DOCK5: variants seen among roughly 807,000 people sequenced by gnomAD.
DOCK5 encodes dedicator of cytokinesis protein 5.
DOCK5 carries 142 observed loss-of-function variants against 251.8 expected under a neutral mutation model. That is an observed-to-expected ratio of 0.56 (90% CI 0.49 to 0.65). The LOEUF is 0.65. Among genes scored for constraint, DOCK5 ranks in the 30% least tolerant of loss-of-function variants. DOCK5 has a pLI of 0.00. For missense variants in DOCK5, 2,111 were observed against 2,312.3 expected (o/e 0.91, Z 1.79); for synonymous variants, 842 against 835.5 (o/e 1.01, Z -0.13).
chr8:25,332,165 C>G lies in DOCK5; in HGVS notation c.1904-86C>G. ...AATTAGCCACTATTGAGAGCAATTA[C>G]CTGTTCTAGAGAATTCTTTAGCTAT... is the stretch of plus-strand genomic sequence containing the variant. On this transcript the variant is annotated intron_variant, in intron 18 of 51. Transcript: ENST00000276440. 6.4e-6 allele frequency: 6 copies of G among 934,344 alleles called. No individual in the cohort carries two copies. The East Asian group carries it at 1.0e-4, about 16-fold the overall frequency. 57.9% of individuals were successfully genotyped at this position (934,344 alleles called of 1,614,324 possible).
chr8:25,397,664 T>C (rs1436793060), intron 45 of DOCK5, among the ~76,000 whole-genome samples: 1 of 152,236 alleles, frequency 6.6e-6, no homozygotes, highest in Non-Finnish European at 1.5e-5. Context: ...TTCATATATA[T>C]TGTTTGATAC....
At chr8:25,342,957 G>A (rs564078886) in intron 25 of DOCK5, among the ~76,000 whole-genome samples, 5 of 151,668 alleles carry the variant, frequency 3.3e-5, no homozygotes, top group South Asian at 2.1e-4. Context: ...CACCCGCCTC[G>A]GCCTCCCAAA....
At chr8:25,358,075 G>A (rs1800610008) in intron 27 of DOCK5, among the ~76,000 whole-genome samples, 1 of 152,144 alleles carries the variant, frequency 6.6e-6, no homozygotes, top group Non-Finnish European at 1.5e-5. Context: ...AAGGGCTCTG[G>A]AGTTGGAGAA....
intron 11 of DOCK5, among the ~76,000 whole-genome samples, chr8:25,308,282 A>G (rs1030218597): frequency 2.0e-5 from 3 of 152,142 alleles, no homozygotes; most frequent in African/African-American, 7.2e-5. Context: ...TCTACCAGAC[A>G]CCAGGCATAT....
intron 1 of DOCK5, among the ~76,000 whole-genome samples, chr8:25,230,041 A>G (rs1802630027): frequency 2.0e-5 from 3 of 152,210 alleles, no homozygotes; most frequent in South Asian, 2.1e-4. Context: ...TTCAATAAGA[A>G]TCAGCAAGTA....
At chr8:25,378,737 C>T (rs767501844) in intron 38 of DOCK5, among the ~76,000 whole-genome samples, 3 of 152,342 alleles carry the variant, frequency 2.0e-5, no homozygotes, top group Non-Finnish European at 4.4e-5. Context: ...AACTCATCCA[C>T]TAAGTAGGGA....
intron 51 of DOCK5, 52 bp from the exon 52 acceptor site, chr8:25,411,142 A>G: frequency 3.4e-6 from 5 of 1,460,364 alleles, no homozygotes; most frequent in Non-Finnish European, 4.5e-6. Context: ...AGAAGGCAGA[A>G]TTGGGAAGAA....
chr8:25,390,124 G>A (rs1801231576), intron 41 of DOCK5, 82 bp from the exon 42 acceptor site: 1 of 1,243,420 alleles, frequency 8.0e-7, no homozygotes. Context: ...ATTTCCGGCT[G>A]TGAAGCAGGA....
chr8:25,377,277 AC>A (rs1794436492), intron 37 of DOCK5, 27 bp from the exon 38 acceptor site: 2 of 1,596,030 alleles, frequency 1.3e-6, no homozygotes, highest in African/African-American at 1.4e-5. Context: ...TGTTGTATTA[AC>A]CGTGTGTCGC....
chr8:25,335,706 A>G (rs906697930), intron 21 of DOCK5, among the ~76,000 whole-genome samples: 2 of 152,162 alleles, frequency 1.3e-5, no homozygotes, highest in Non-Finnish European at 1.5e-5. Flanking sequence ...AGAGCAACCT[A>G]TAACCCCAGA....
chr8:25,263,021 G>A (rs987693278), intron 2 of DOCK5, among the ~76,000 whole-genome samples: 3 of 151,774 alleles, frequency 2.0e-5, no homozygotes, highest in African/African-American at 7.3e-5. Flanking sequence ...GATTTACCTT[G>A]ATTACATTTC....
At chr8:25,262,144 G>A (rs1177113962) in intron 2 of DOCK5, among the ~76,000 whole-genome samples, 8 of 152,028 alleles carry the variant, frequency 5.3e-5, no homozygotes, top group African/African-American at 1.5e-4. Context: ...ATAAGTGTAC[G>A]TTTAACTTTA....
chr8:25,220,306 G>T (rs1802350937), intron 1 of DOCK5, among the ~76,000 whole-genome samples: 1 of 152,076 alleles, frequency 6.6e-6, no homozygotes, highest in African/African-American at 2.4e-5. Flanking sequence ...GAAACTGAAA[G>T]TTGATTGGAT....
chr8:25,203,191 G>T (rs1011546304), intron 1 of DOCK5, among the ~76,000 whole-genome samples: 1 of 152,170 alleles, frequency 6.6e-6, no homozygotes, highest in Admixed American at 6.5e-5. Context: ...AATCCTGAAT[G>T]ACTATCTTAT....
At chr8:25,324,840 C>G (rs914363114) in intron 17 of DOCK5, among the ~76,000 whole-genome samples, 22 of 141,334 alleles carry the variant, frequency 1.6e-4, no homozygotes, top group Admixed American at 9.5e-4. Flanking sequence ...TGTTCCCCTT[C>G]CTGTGTCCAT....
intron 26 of DOCK5, among the ~76,000 whole-genome samples, chr8:25,345,998 C>T (rs989084934): frequency 1.4e-4 from 22 of 152,142 alleles, no homozygotes; most frequent in African/African-American, 2.4e-4. Context: ...TACAGGCGCC[C>T]GCCACCACGC....
At chr8:25,332,997 A>C (rs1196496906) in intron 20 of DOCK5, among the ~76,000 whole-genome samples, 1 of 152,222 alleles carries the variant, frequency 6.6e-6, no homozygotes, top group Non-Finnish European at 1.5e-5. Context: ...GATCTGGAGC[A>C]TTGTTACATG....
intron 30 of DOCK5, among the ~76,000 whole-genome samples, chr8:25,366,556 G>T (rs906226620): frequency 2.6e-5 from 4 of 152,154 alleles, no homozygotes; most frequent in Admixed American, 2.6e-4. Flanking sequence ...TAATTCAAAA[G>T]TTTGGCAAAC....
At chr8:25,380,072 T>G (rs1801038268) in intron 38 of DOCK5, among the ~76,000 whole-genome samples, 1 of 152,206 alleles carries the variant, frequency 6.6e-6, no homozygotes. Flanking sequence ...TTAATGTCCG[T>G]GCAAACAGAA....
Sources: allele counts gnomAD v4.1 joint callset (sites outside exome capture counted in the v4.1 genomes callset), GRCh38; gene constraint gnomAD v4.1.1; transcripts MANE v1.5; gene names NCBI Gene and HGNC (gene_info 2026-07-23, HGNC 2026-07-21).